The following KAZN variants were observed in gnomAD, a reference collection of about 807,000 sequenced individuals.
The protein encoded by KAZN is kazrin, periplakin interacting protein, also known as kazrin.
In KAZN, 40 loss-of-function variants were observed where a neutral mutation model predicts 87.4. The observed-to-expected ratio is 0.46, with a 90% confidence interval of 0.36 to 0.60. KAZN has a LOEUF of 0.60. Ranked by LOEUF, KAZN falls within the 20% of genes least tolerant of loss-of-function variation. The probability of loss-of-function intolerance (pLI) is 0.00; values close to 1 mark genes in which losing one functional copy is unlikely to be tolerated. For missense variants in KAZN, 898 were observed against 1,073.9 expected, an observed-to-expected ratio of 0.84 and a Z score of 2.29; for synonymous variants, 466 against 458.3, an observed-to-expected ratio of 1.02 and a Z score of -0.22.
At chr1:14,203,869 C>T (rs936175853) in intron 2 of KAZN, among the ~76,000 whole-genome samples, 4 of 152,184 alleles carry the variant, frequency 2.6e-5, no homozygotes, top group South Asian at 2.1e-4. Context: ...CAGGAGCAAA[C>T]GTGGTTGCAG....
intron 1 of KAZN, among the ~76,000 whole-genome samples, chr1:13,923,032 G>A (rs1640122889): frequency 6.6e-6 from 1 of 152,116 alleles, no homozygotes; most frequent in East Asian, 1.9e-4. Flanking sequence ...AGTCAAGCTG[G>A]AACATAGAGT....
intron 2 of KAZN, among the ~76,000 whole-genome samples, chr1:14,401,940 A>T (rs1663443748): frequency 6.6e-6 from 1 of 152,116 alleles, no homozygotes; most frequent in Admixed American, 6.5e-5. Context: ...AAAGTTCAAA[A>T]GAGGTAAGAA....
intron 1 of KAZN, among the ~76,000 whole-genome samples, chr1:14,069,115 C>T (rs1643138330): frequency 6.6e-6 from 1 of 152,028 alleles, no homozygotes; most frequent in South Asian, 2.1e-4. Flanking sequence ...AGTTATCAAG[C>T]AAGGTCTTCA....
intron 1 of KAZN, among the ~76,000 whole-genome samples, chr1:14,600,343 G>A (rs1204782627): frequency 1.3e-5 from 2 of 152,136 alleles, no homozygotes; most frequent in African/African-American, 2.4e-5. Context: ...GAGAGAGTCT[G>A]TTTTCCTAAG....
intron 2 of KAZN, among the ~76,000 whole-genome samples, chr1:14,442,174 A>G (rs1666742568): frequency 1.3e-5 from 2 of 152,250 alleles, no homozygotes; most frequent in South Asian, 4.1e-4. Flanking sequence ...ATCAGAAAAG[A>G]TGATGATTTA....
At chr1:14,824,488 A>C (rs1224454801) in intron 1 of KAZN, among the ~76,000 whole-genome samples, 1 of 152,206 alleles carries the variant, frequency 6.6e-6, no homozygotes, top group East Asian at 1.9e-4. Context: ...GGCACCCAAC[A>C]GCTGTTGTGT....
chr1:14,490,889 G>A (rs891662588), intron 2 of KAZN, among the ~76,000 whole-genome samples: 2 of 151,960 alleles, frequency 1.3e-5, no homozygotes, highest in Non-Finnish European at 2.9e-5. Flanking sequence ...TTTCCCATCT[G>A]TTCATTTTTC....
intron 1 of KAZN, among the ~76,000 whole-genome samples, chr1:14,903,218 G>A (rs528287594): frequency 1.3e-4 from 20 of 152,232 alleles, no homozygotes; most frequent in African/African-American, 4.6e-4. Flanking sequence ...AGGATGCCAA[G>A]TATAGGGAAG....
intron 2 of KAZN, among the ~76,000 whole-genome samples, chr1:14,394,060 T>C (rs1662683649): frequency 3.9e-5 from 6 of 152,236 alleles, no homozygotes; most frequent in Admixed American, 3.3e-4. Flanking sequence ...GGCTTTTTGA[T>C]GTTCTCTTGT....
intron 6 of KAZN, 135 bp downstream of exon 6, chr1:15,060,437 T>C: frequency 8.5e-7 from 1 of 1,174,558 alleles, no homozygotes; most frequent in Non-Finnish European, 1.2e-6. Context: ...GCATTTCCTG[T>C]TCTGTTCTTT....
chr1:14,343,170 C>CA (rs1016056928), intron 2 of KAZN, among the ~76,000 whole-genome samples: 1 of 151,818 alleles, frequency 6.6e-6, no homozygotes, highest in Non-Finnish European at 1.5e-5. Flanking sequence ...AAACAAACAA[C>CA]AAAAAACTTT....
intron 1 of KAZN, among the ~76,000 whole-genome samples, chr1:14,001,509 A>G (rs1221560258): frequency 6.6e-6 from 1 of 152,222 alleles, no homozygotes; most frequent in Non-Finnish European, 1.5e-5. Context: ...ACTACTTTAA[A>G]TTTCATATGG....
At chr1:14,214,417 T>C (rs992303485) in intron 2 of KAZN, among the ~76,000 whole-genome samples, 1 of 152,208 alleles carries the variant, frequency 6.6e-6, no homozygotes, top group African/African-American at 2.4e-5. Context: ...AATAAATATT[T>C]TTTAAATTAA....
At chr1:14,857,979 G>A (rs555281907) in intron 1 of KAZN, among the ~76,000 whole-genome samples, 11 of 152,050 alleles carry the variant, frequency 7.2e-5, no homozygotes, top group South Asian at 2.1e-4. Context: ...CTTCCCAGCC[G>A]CAGGCACCCA....
chr1:14,083,458 C>A (rs1254965316), intron 1 of KAZN, among the ~76,000 whole-genome samples: 1 of 152,192 alleles, frequency 6.6e-6, no homozygotes, highest in Non-Finnish European at 1.5e-5. Context: ...TCTCATGTCT[C>A]ATCTGAAAAG....
intron 1 of KAZN, among the ~76,000 whole-genome samples, chr1:14,730,276 G>T (rs1428257672): frequency 6.6e-6 from 1 of 152,144 alleles, no homozygotes; most frequent in Non-Finnish European, 1.5e-5. Context: ...TGGAGACAGG[G>T]TTTCACCATG....
intron 2 of KAZN, among the ~76,000 whole-genome samples, chr1:14,284,221 A>G (rs1232567043): frequency 6.6e-6 from 1 of 152,198 alleles, no homozygotes; most frequent in East Asian, 1.9e-4. Flanking sequence ...GTGGCTGCGC[A>G]ATCTGTAAAT....
chr1:15,027,651 G>A (rs1308230206), intron 2 of KAZN, among the ~76,000 whole-genome samples: 3 of 152,164 alleles, frequency 2.0e-5, no homozygotes, highest in African/African-American at 7.2e-5. Flanking sequence ...CATGGGTCAG[G>A]AACATTGCAT....
At chr1:14,881,244 T>C (rs1400492848) in intron 1 of KAZN, among the ~76,000 whole-genome samples, 2 of 152,236 alleles carry the variant, frequency 1.3e-5, no homozygotes, top group Non-Finnish European at 2.9e-5. Flanking sequence ...GTGTTTCCAG[T>C]TGGACCAGAA....
Sources: allele counts gnomAD v4.1 joint callset (sites outside exome capture counted in the v4.1 genomes callset), GRCh38; gene constraint gnomAD v4.1.1; transcripts MANE v1.5; gene names NCBI Gene and HGNC (gene_info 2026-07-23, HGNC 2026-07-21).